SNTB1: variants seen among roughly 807,000 people sequenced by gnomAD.
SNTB1 encodes the protein beta-1-syntrophin.
In SNTB1, 36 loss-of-function variants were observed where a neutral mutation model predicts 48.9. The ratio of observed to expected loss-of-function variants is 0.74; its 90% CI spans 0.56 to 0.97. SNTB1 has a LOEUF of 0.97. Among genes scored for constraint, SNTB1 ranks in the 50% least tolerant of loss-of-function variants. SNTB1 has a pLI of 0.00. For missense variants in SNTB1, 786 were observed against 703.4 expected, an observed-to-expected ratio of 1.12 and a Z score of -1.33; for synonymous variants, 299 against 294.6, an observed-to-expected ratio of 1.01 and a Z score of -0.15.
intron 1 of SNTB1, among the ~76,000 whole-genome samples, chr8:120,798,676 A>T (rs554246677): frequency 7.2e-5 from 11 of 152,172 alleles, no homozygotes; most frequent in Non-Finnish European, 1.5e-4. Context: ...CATTCCAAGA[A>T]GTTTTTAAAA....
At chr8:120,703,292 T>G (rs2129895845) in intron 1 of SNTB1, among the ~76,000 whole-genome samples, 1 of 152,250 alleles carries the variant, frequency 6.6e-6, no homozygotes, top group East Asian at 1.9e-4. Context: ...ACCTGGCTGA[T>G]TTTTGTATTT....
chr8:120,733,063 G>A (rs1303289705), intron 1 of SNTB1, among the ~76,000 whole-genome samples: 1 of 152,238 alleles, frequency 6.6e-6, no homozygotes, highest in Non-Finnish European at 1.5e-5. Flanking sequence ...AGGGATGATT[G>A]ATAGAGGAAA....
At chr8:120,808,987 G>C (rs1456895612) in intron 1 of SNTB1, among the ~76,000 whole-genome samples, 1 of 152,090 alleles carries the variant, frequency 6.6e-6, no homozygotes, top group Non-Finnish European at 1.5e-5. Flanking sequence ...CATTTTCAAA[G>C]CCTCTCCTAT....
chr8:120,732,415 A>C (rs767459439), intron 1 of SNTB1, among the ~76,000 whole-genome samples: 6 of 152,354 alleles, frequency 3.9e-5, no homozygotes, highest in African/African-American at 2.4e-5. Flanking sequence ...CCTCACTCTG[A>C]GGATGTGGGT....
intron 3 of SNTB1, among the ~76,000 whole-genome samples, chr8:120,581,553 G>A (rs373222995): frequency 2.0e-4 from 30 of 151,964 alleles, no homozygotes; most frequent in Middle Eastern, 6.8e-3. Context: ...GCAGTGAGCC[G>A]AGATTGCACC....
At chr8:120,738,111 G>C (rs1818979568) in intron 1 of SNTB1, among the ~76,000 whole-genome samples, 1 of 152,110 alleles carries the variant, frequency 6.6e-6, no homozygotes, top group East Asian at 1.9e-4. Flanking sequence ...TCTTGTAAAA[G>C]AGGCCTGAGA....
chr8:120,725,158 A>G (rs73321288), intron 1 of SNTB1, among the ~76,000 whole-genome samples: 10,480 of 152,206 alleles, frequency 0.069, 1,195 homozygotes, highest in African/African-American at 0.24. Context: ...GGTAAGTGGA[A>G]AGAGGATGGG....
chr8:120,626,074 G>A (rs1194070300), intron 3 of SNTB1, among the ~76,000 whole-genome samples: 1 of 152,140 alleles, frequency 6.6e-6, no homozygotes, highest in Non-Finnish European at 1.5e-5. Flanking sequence ...TAATGTAGGT[G>A]GGCAATGTAG....
At chr8:120,793,334 G>A (rs1484147530) in intron 1 of SNTB1, among the ~76,000 whole-genome samples, 1 of 152,068 alleles carries the variant, frequency 6.6e-6, no homozygotes, top group Non-Finnish European at 1.5e-5. Context: ...TTGCCCAAAG[G>A]CACAGTGATG....
At chr8:120,572,726 TA>T (rs1563820642) in intron 4 of SNTB1, among the ~76,000 whole-genome samples, 2 of 145,862 alleles carry the variant, frequency 1.4e-5, no homozygotes, top group South Asian at 4.5e-4. Flanking sequence ...CTGTCTCTAC[TA>T]AAAAAACAAA....
chr8:120,697,711 G>A (rs1818234651), intron 1 of SNTB1, among the ~76,000 whole-genome samples: 1 of 152,192 alleles, frequency 6.6e-6, no homozygotes, highest in African/African-American at 2.4e-5. Context: ...CGTACCATGT[G>A]CAAGAACCAG....
At chr8:120,649,455 G>A (rs1294273396) in intron 2 of SNTB1, among the ~76,000 whole-genome samples, 1 of 141,148 alleles carries the variant, frequency 7.1e-6, no homozygotes, top group Non-Finnish European at 1.5e-5. Flanking sequence ...CCCTGCTGGG[G>A]GGTGCCTCCC....
At position 120,637,188 on chromosome 8, in the gene SNTB1, C is replaced by T. The variant is rs572078605; in HGVS notation, c.789-4537G>A. 4.8e-5 allele frequency: 16 copies of T among 333,794 alleles called. No homozygotes were observed. The South Asian group carries it at 5.4e-4, about 11-fold the overall frequency. The allele number at this position is 333,794 out of a possible 1,614,324, so 20.7% of individuals were successfully genotyped here. A position where few individuals can be genotyped will look rare whatever the true frequency, so the allele number is the denominator to read the frequency against. On this transcript the variant is annotated intron_variant, in intron 2 of 6. Coordinates refer to ENST00000517992, the MANE Select transcript of SNTB1 (RefSeq NM_021021.4). Reference sequence around the variant, plus strand: ...AAACATGGGGGAGAGCATGCCTAGGCAATGTCAAAGTCGAACATCCTCTTC... The same window carrying T: ...AAACATGGGGGAGAGCATGCCTAGGTAATGTCAAAGTCGAACATCCTCTTC...
chr8:120,791,386 AG>A (rs1820032859), intron 1 of SNTB1, among the ~76,000 whole-genome samples: 1 of 152,014 alleles, frequency 6.6e-6, no homozygotes, highest in Non-Finnish European at 1.5e-5. Flanking sequence ...ACATCAGCCT[AG>A]GCAAAGAATT....
intron 2 of SNTB1, among the ~76,000 whole-genome samples, chr8:120,677,710 A>G (rs995006373): frequency 6.6e-6 from 1 of 152,186 alleles, no homozygotes; most frequent in Non-Finnish European, 1.5e-5. Context: ...TTCTAAAAAT[A>G]GTATATTCAT....
chr8:120,578,027 C>T (rs1321385054), intron 3 of SNTB1, among the ~76,000 whole-genome samples: 1 of 151,866 alleles, frequency 6.6e-6, no homozygotes, highest in Non-Finnish European at 1.5e-5. Context: ...TGTGGAAGAA[C>T]AGGGATTTGT....
rs532579279 is a variant in SNTB1 at position 120,757,865 on chromosome 8, T to G, written c.571+53408A>C. Among the ~76,000 whole-genome samples, 3 of 152,248 alleles carry G rather than the reference T, an allele frequency of 2.0e-5. No individual in the cohort carries two copies. In the East Asian group the frequency reaches 5.8e-4, roughly 29 times the overall value. ...TTTCTAATTGTGAAGCAGGGACATG[T>G]GAGCTTGGAAGTTAGTGATGGCCAT... On this transcript the variant is annotated intron_variant, in intron 1 of 6. Transcript: ENST00000517992.
In SNTB1 at chr8:120,582,652, C is replaced by T. The variant is rs1816067755; in HGVS notation, c.997-7427G>A. 2.6e-5 allele frequency among the ~76,000 whole-genome samples: 4 copies of T among 152,000 alleles called. No individual in the cohort carries two copies. In the South Asian group the frequency reaches 8.3e-4, roughly 32 times the overall value. ...GAAACCATCATTCTCAGCAAACTAA[C>T]ACAGGAACAGAAAACCAAACACTGC... On this transcript the variant is annotated intron_variant, in intron 3 of 6. Transcript: ENST00000517992.
At chr8:120,787,317 C>G (rs940065310) in intron 1 of SNTB1, among the ~76,000 whole-genome samples, 4 of 151,578 alleles carry the variant, frequency 2.6e-5, no homozygotes, top group Non-Finnish European at 5.9e-5. Flanking sequence ...GAAAAGAAAA[C>G]AGCATTCTCT....
Sources: allele counts gnomAD v4.1 joint callset (sites outside exome capture counted in the v4.1 genomes callset), GRCh38; gene constraint gnomAD v4.1.1; transcripts MANE v1.5; gene names NCBI Gene and HGNC (gene_info 2026-07-23, HGNC 2026-07-21).